The following SORL1 variants were observed in gnomAD, a reference collection of about 807,000 sequenced individuals.
The protein encoded by SORL1 is sortilin-related receptor.
In SORL1, 127 loss-of-function variants were observed where a neutral mutation model predicts 273.7. The observed-to-expected ratio is 0.46, with a 90% CI of 0.40 to 0.54. SORL1 has a LOEUF of 0.54. SORL1 is among the 20% of genes least tolerant of loss of function. The pLI, the probability that SORL1 is intolerant of heterozygous loss-of-function variation, is 0.00. For synonymous variants in SORL1, 1,031 were observed against 1,067.4 expected (o/e 0.97, Z 0.66); for missense variants, 2,494 against 2,846.1 (o/e 0.88, Z 2.81).
chr11:121,557,458 G>A (rs1862608350), intron 19 of SORL1, 53 bp downstream of exon 19: 1 of 1,279,964 alleles, frequency 7.8e-7, no homozygotes. Context: ...TACACTAATA[G>A]ATTCTCATGG....
chr11:121,622,162 TTTCA>T lies in SORL1; in HGVS notation c.6068_6071del (p.Ser2023TyrfsTer7). On this transcript the variant is annotated frameshift_variant and splice_region_variant, in exon 45 of 48. Coordinates refer to ENST00000260197, the MANE Select transcript of SORL1 (RefSeq NM_003105.6). LOFTEE classifies it high-confidence loss of function. ...ATCCCATCTCATCTTTAATTTTCAG[TTTCA>T]TTATCAGCACCTGATGCCTTAAAAA... 1.3e-6 allele frequency: 2 copies of T among 1,578,744 alleles called. No homozygotes were observed. Among genetic ancestry groups the T allele is most frequent in the Non-Finnish European group, 1.7e-6 (2 of 1,150,702 alleles).
At chr11:121,607,972 G>T in intron 37 of SORL1, 132 bp from the exon 38 acceptor site, 1 of 699,846 alleles carries the variant, frequency 1.4e-6, no homozygotes, top group East Asian at 2.8e-5. Context: ...TGAATATTCT[G>T]GATCACTCTG....
At position 121,584,273 on chromosome 11, in the gene SORL1, T is replaced by C. The variant is rs75918053; in HGVS notation, c.3706+690T>C. ...AAATGTGTCTCTACCAGTAAAACGTTGCATGTTTCCCCAAGTCTCCTTGAT... is the reference window on the plus strand; with the variant it reads ...AAATGTGTCTCTACCAGTAAAACGTCGCATGTTTCCCCAAGTCTCCTTGAT... On this transcript the variant is annotated intron_variant, in intron 26 of 47. Transcript: ENST00000260197. 4.6e-3 allele frequency among the ~76,000 whole-genome samples: 700 copies of C among 152,360 alleles called. 3 individuals carry two copies. Among genetic ancestry groups the C allele is most frequent in the African/African-American group, 0.015 (644 of 41,580 alleles).
At chr11:121,502,602 G>A (rs1425654622) in intron 6 of SORL1, among the ~76,000 whole-genome samples, 1 of 152,132 alleles carries the variant, frequency 6.6e-6, no homozygotes, top group African/African-American at 2.4e-5. Flanking sequence ...GTGTGAAGTG[G>A]TATCTTATGG....
intron 25 of SORL1, among the ~76,000 whole-genome samples, chr11:121,581,081 T>C (rs1170959467): frequency 1.3e-5 from 2 of 152,010 alleles, no homozygotes; most frequent in Non-Finnish European, 2.9e-5. Context: ...CCTGGCTAGT[T>C]TTGTGTTTTT....
chr11:121,544,047 G>A (rs1276462731), intron 13 of SORL1, among the ~76,000 whole-genome samples: 1 of 152,134 alleles, frequency 6.6e-6, no homozygotes, highest in East Asian at 1.9e-4. Flanking sequence ...CCAATTGGAC[G>A]TATTCAGTGA....
chr11:121,575,136 G>A (rs753105128), intron 24 of SORL1, among the ~76,000 whole-genome samples: 2 of 152,212 alleles, frequency 1.3e-5, no homozygotes, highest in Admixed American at 1.3e-4. Context: ...ACTTTCTAAA[G>A]TGACTGAGGT....
intron 6 of SORL1, among the ~76,000 whole-genome samples, chr11:121,497,970 A>G (rs1435263792): frequency 1.3e-5 from 2 of 152,188 alleles, no homozygotes; most frequent in Non-Finnish European, 2.9e-5. Flanking sequence ...CAACCTTCTT[A>G]GTAGGATTTT....
intron 18 of SORL1, among the ~76,000 whole-genome samples, chr11:121,555,607 T>C (rs1357347036): frequency 1.3e-5 from 2 of 152,134 alleles, no homozygotes; most frequent in Non-Finnish European, 2.9e-5. Flanking sequence ...ATTTTTGTTT[T>C]ATTTTACTAC....
intron 45 of SORL1, among the ~76,000 whole-genome samples, chr11:121,623,221 G>A (rs1863748526): frequency 1.3e-5 from 2 of 152,224 alleles, no homozygotes; most frequent in South Asian, 2.1e-4. Context: ...AACCTCACCG[G>A]TAATCTAAAT....
intron 38 of SORL1, 124 bp from the exon 39 acceptor site, chr11:121,610,952 A>G (rs1863553871): frequency 1.5e-6 from 1 of 674,978 alleles, no homozygotes; most frequent in African/African-American, 1.8e-5. Flanking sequence ...GAACACTGCC[A>G]AAGAAATACC....
chr11:121,569,686 G>A (rs1017146283), intron 22 of SORL1, among the ~76,000 whole-genome samples: 11 of 152,176 alleles, frequency 7.2e-5, no homozygotes, highest in African/African-American at 2.4e-4. Flanking sequence ...GTGACAATGC[G>A]TGCCCAAAAC....
intron 35 of SORL1, 78 bp from the exon 36 acceptor site, chr11:121,606,767 T>G: frequency 9.9e-6 from 8 of 805,158 alleles, no homozygotes; most frequent in Non-Finnish European, 1.7e-5. Flanking sequence ...GTTCTTGTCC[T>G]TGTTCTAAGC....
At position 121,544,620 on chromosome 11, in the gene SORL1, G is replaced by T. The variant is rs543574787; in HGVS notation, c.1865-623G>T. ...ATCAGCTTCGGGTAGTATCTAATCT[G>T]ACTGAAGACACATATATAAGAGACA... is the stretch of plus-strand genomic sequence containing the variant. On this transcript the variant is annotated intron_variant, in intron 13 of 47. Coordinates refer to ENST00000260197, the MANE Select transcript of SORL1 (RefSeq NM_003105.6). Among the ~76,000 whole-genome samples, 4 of 152,290 alleles carry T rather than the reference G, an allele frequency of 2.6e-5. No homozygotes were observed. The South Asian group carries it at 8.3e-4, about 32-fold the overall frequency.
In SORL1 at chr11:121,530,839, G is replaced by A. The variant is rs138499967; in HGVS notation, c.1597-1625G>A. 5.0e-3 allele frequency among the ~76,000 whole-genome samples: 759 copies of A among 151,790 alleles called. 6 individuals carry two copies. The highest frequency in any genetic ancestry group is 0.018 in the African/African-American group (726 of 41,326). On this transcript the variant is annotated intron_variant, in intron 11 of 47. Coordinates refer to ENST00000260197, the MANE Select transcript of SORL1 (RefSeq NM_003105.6). ...CTTTCTTTGAAATCCTTTTTCCCCT[G>A]TATGTTCTCTAGAACACACAGATAG...
intron 30 of SORL1, 107 bp from the exon 31 acceptor site, chr11:121,590,894 G>T: frequency 8.1e-7 from 1 of 1,232,754 alleles, no homozygotes; most frequent in Non-Finnish European, 1.2e-6. Context: ...GCCTCCCTCA[G>T]CAGGTACAGC....
chr11:121,491,650 G>T (rs1006251021), intron 5 of SORL1, among the ~76,000 whole-genome samples: 6 of 152,128 alleles, frequency 3.9e-5, no homozygotes, highest in Admixed American at 3.3e-4. Context: ...ATTCTATCAG[G>T]AAATCCTATT....
chr11:121,536,258 T>TG (rs1862265087), intron 12 of SORL1, among the ~76,000 whole-genome samples: 1 of 152,284 alleles, frequency 6.6e-6, no homozygotes, highest in African/African-American at 2.4e-5. Context: ...ACCTGGGCTC[T>TG]GGAAGCAGCC....
At chr11:121,612,968 T>C in intron 40 of SORL1, 136 bp downstream of exon 40, 1 of 636,076 alleles carries the variant, frequency 1.6e-6, no homozygotes, top group Non-Finnish European at 2.9e-6. Flanking sequence ...TGACAGGTTC[T>C]TGTGCATTGA....
Sources: gnomAD v4.1 joint callset for allele counts (sites outside exome capture counted in the v4.1 genomes callset) on GRCh38, gnomAD v4.1.1 for gene constraint, MANE v1.5 for transcripts, NCBI Gene and HGNC (gene_info 2026-07-23, HGNC 2026-07-21) for gene names.